Variants in IGFL2 observed in about 807,000 individuals in gnomAD.
IGFL2 encodes the protein IGF like family member 2.
A neutral mutation model predicts 13.9 loss-of-function variants in IGFL2; 7 were observed. The ratio of observed to expected loss-of-function variants is 0.51; its 90% confidence interval spans 0.29 to 0.95. The LOEUF is 0.95. IGFL2 is among the 40% of genes least tolerant of loss of function. IGFL2 has a pLI of 0.08. For synonymous variants in IGFL2, 55 were observed against 55.8 expected, an observed-to-expected ratio of 0.99 and a Z score of 0.07; for missense variants, 138 against 147.8, an observed-to-expected ratio of 0.93 and a Z score of 0.34.
chr19:46,081,144 A>G, the IGFL2 span, among the ~76,000 whole-genome samples: 24 of 152,202 alleles, frequency 1.6e-4, no homozygotes, highest in Admixed American at 9.2e-4. Flanking sequence ...ACCAAAGGTC[A>G]GGGGAGCCTT....
chr19:46,135,477 C>G, the IGFL2 span, among the ~76,000 whole-genome samples: 4 of 152,126 alleles, frequency 2.6e-5, no homozygotes, highest in African/African-American at 7.2e-5. Flanking sequence ...CGAACCATCC[C>G]CTTTAGTGTA....
the IGFL2 span, among the ~76,000 whole-genome samples, chr19:46,199,130 G>A: frequency 6.6e-6 from 1 of 152,330 alleles, no homozygotes; most frequent in East Asian, 1.9e-4. Context: ...GGCAGGGTAG[G>A]GCAGCAGTTG....
chr19:46,197,666 G>A, the IGFL2 span, among the ~76,000 whole-genome samples: 1 of 152,096 alleles, frequency 6.6e-6, no homozygotes, highest in African/African-American at 2.4e-5. Context: ...AGAGTAGCTG[G>A]GACCACAGGT....
chr19:46,202,336 AT>A, the IGFL2 span, among the ~76,000 whole-genome samples: 8 of 152,168 alleles, frequency 5.3e-5, no homozygotes, highest in Admixed American at 4.6e-4. Flanking sequence ...TTAAGTTTGT[AT>A]TGGGGTCAAA....
chr19:46,108,073 A>C, the IGFL2 span, among the ~76,000 whole-genome samples: 1 of 152,070 alleles, frequency 6.6e-6, no homozygotes, highest in South Asian at 2.1e-4. Flanking sequence ...AGGTGATAGA[A>C]GGATTATAGG....
the IGFL2 span, among the ~76,000 whole-genome samples, chr19:46,083,746 A>G: frequency 6.6e-6 from 1 of 152,214 alleles, no homozygotes; most frequent in Non-Finnish European, 1.5e-5. Context: ...CCTTAGCCAC[A>G]GAAAGTTGAG....
At chr19:46,165,675 T>G (rs1974366850), downstream of IGFL2, among the ~76,000 whole-genome samples, 1 of 152,198 alleles carries the variant, frequency 6.6e-6, no homozygotes, top group Non-Finnish European at 1.5e-5. Flanking sequence ...TGACCAGGCC[T>G]GGTACAGAGG....
At chr19:46,079,585 G>A in the IGFL2 span, among the ~76,000 whole-genome samples, 1 of 152,142 alleles carries the variant, frequency 6.6e-6, no homozygotes, top group Admixed American at 6.5e-5. Flanking sequence ...CCAGGCCTCA[G>A]GCGCTTTGGA....
upstream of IGFL2, among the ~76,000 whole-genome samples, chr19:46,138,987 T>G (rs974086408): frequency 5.3e-5 from 8 of 151,566 alleles, no homozygotes; most frequent in African/African-American, 1.9e-4. Flanking sequence ...CTGCCAACTC[T>G]CCAAGCAGCT....
chr19:46,115,208 G>A, the IGFL2 span, among the ~76,000 whole-genome samples: 2 of 152,086 alleles, frequency 1.3e-5, no homozygotes, highest in Admixed American at 6.5e-5. Flanking sequence ...TTGCCTACAG[G>A]AGCAGGCTAA....
chr19:46,201,605 C>T, the IGFL2 span, among the ~76,000 whole-genome samples: 18 of 152,282 alleles, frequency 1.2e-4, no homozygotes, highest in South Asian at 2.3e-3. Context: ...ACATGGCCCG[C>T]TATTATGTCT....
At chr19:46,126,994 A>AGGATCAGAT in the IGFL2 span, among the ~76,000 whole-genome samples, 1 of 152,188 alleles carries the variant, frequency 6.6e-6, no homozygotes, top group Non-Finnish European at 1.5e-5. Context: ...TATATTTATG[A>AGGATCAGAT]GGATCAGATG....
the IGFL2 span, among the ~76,000 whole-genome samples, chr19:46,121,542 A>G: frequency 6.6e-6 from 1 of 150,658 alleles, no homozygotes; most frequent in Non-Finnish European, 1.5e-5. Flanking sequence ...CTGTGGAGAA[A>G]GAAAAATTGA....
the IGFL2 span, chr19:46,209,807 G>A: frequency 6.6e-6 from 1 of 152,164 alleles, no homozygotes; most frequent in African/African-American, 2.4e-5. Context: ...CCTTCCACTG[G>A]TCCTTTGGTC....
chr19:46,129,121 T>A, the IGFL2 span, among the ~76,000 whole-genome samples: 8 of 152,356 alleles, frequency 5.3e-5, no homozygotes, highest in African/African-American at 1.7e-4. Context: ...TTTTCTGGTT[T>A]ATGTGCATAG....
At chr19:46,112,571 A>T in the IGFL2 span, among the ~76,000 whole-genome samples, 1 of 152,248 alleles carries the variant, frequency 6.6e-6, no homozygotes, top group Non-Finnish European at 1.5e-5. Context: ...ACCACAAAGC[A>T]TAGATGAACA....
chr19:46,179,016 G>A, the IGFL2 span, among the ~76,000 whole-genome samples: 63 of 152,028 alleles, frequency 4.1e-4, no homozygotes, highest in African/African-American at 1.4e-3. Context: ...GAGAGAAGAG[G>A]CAGAGAGAGA....
the IGFL2 span, chr19:46,202,910 G>T: frequency 6.6e-6 from 1 of 152,204 alleles, no homozygotes; most frequent in Non-Finnish European, 1.5e-5. Flanking sequence ...ATCTCATGGA[G>T]AGAGGGCGAG....
At chr19:46,089,547 C>T in the IGFL2 span, among the ~76,000 whole-genome samples, 1 of 151,836 alleles carries the variant, frequency 6.6e-6, no homozygotes, top group Admixed American at 6.6e-5. Flanking sequence ...TGTAAGATGG[C>T]TCTGGTGGAG....
Sources: allele counts gnomAD v4.1 joint callset (sites outside exome capture counted in the v4.1 genomes callset), GRCh38; gene constraint gnomAD v4.1.1; transcripts MANE v1.5; gene names NCBI Gene and HGNC (gene_info 2026-07-23, HGNC 2026-07-21).